RCOR1: variants seen among roughly 807,000 people sequenced by gnomAD.
RCOR1 encodes REST corepressor.
A neutral mutation model predicts 64.0 loss-of-function variants in RCOR1; 12 were observed. The ratio of observed to expected loss-of-function variants is 0.19; its 90% confidence interval spans 0.12 to 0.30. RCOR1 has a LOEUF of 0.30. Ranked by LOEUF, RCOR1 falls within the 10% of genes least tolerant of loss-of-function variation. RCOR1 has a pLI of 1.00. For synonymous variants in RCOR1, 279 were observed against 227.2 expected, an observed-to-expected ratio of 1.23 and a Z score of -2.05; for missense variants, 502 against 621.2, an observed-to-expected ratio of 0.81 and a Z score of 2.04.
intron 5 of RCOR1, among the ~76,000 whole-genome samples, chr14:102,707,861 T>A (rs563257670): frequency 1.3e-3 from 200 of 151,884 alleles, no homozygotes; most frequent in African/African-American, 4.6e-3. Flanking sequence ...TGATCTTGGC[T>A]CACTGCAACC....
rs1163287849 is a variant in RCOR1 at position 102,708,603 on chromosome 14, G to A, written c.779+20G>A. The A allele has an allele frequency of 3.6e-6, 5 of 1,376,974 alleles. No homozygotes were observed. In the African/African-American group the frequency reaches 7.2e-5, roughly 20 times the overall value. The allele number at this position is 1,376,974 out of a possible 1,614,324, so 85.3% of individuals were successfully genotyped here. On this transcript the variant is annotated intron_variant, in intron 6 of 11. Transcript: ENST00000262241. The stretch of plus-strand genomic sequence containing the variant: ...GGAGAGGTGAGCACATGGCTGGGGT[G>A]TTGTCTAACCACTTAGGGGACTATC...
Position 102,714,444 on chromosome 14 carries a change from C to G in RCOR1, c.880C>G (p.Pro294Ala). 2 of 1,609,906 alleles carry G rather than the reference C, an allele frequency of 1.2e-6. No individual in the cohort carries two copies. The highest frequency in any genetic ancestry group is 1.7e-6 in the Non-Finnish European group (2 of 1,177,640). ...KKEVPPTETVPQVKKEKHSTQ... is the reference protein window; with the variant it reads ...KKEVPPTETVAQVKKEKHSTQ... ...GCAGGTTCCCCCTACTGAGACAGTTCCTCAGGTCAAAAAAGAAAAACATAG... is the reference window on the plus strand; with the variant it reads ...GCAGGTTCCCCCTACTGAGACAGTTGCTCAGGTCAAAAAAGAAAAACATAG... The change falls in exon 8 of 12, where the codon CCT (proline) becomes GCT (alanine). Residue 294 changes from proline to alanine, a missense_variant. By Grantham distance (27) the Pro-to-Ala change is conservative. Transcript: ENST00000262241.
intron 2 of RCOR1, among the ~76,000 whole-genome samples, chr14:102,638,165 C>T (rs994341671): frequency 6.6e-6 from 1 of 152,194 alleles, no homozygotes; most frequent in Non-Finnish European, 1.5e-5. Context: ...GGATAGCACA[C>T]ATAAAATAGT....
At chr14:102,721,117 T>C (rs1435704821) in intron 9 of RCOR1, 33 bp downstream of exon 9, 5 of 1,331,552 alleles carry the variant, frequency 3.8e-6, no homozygotes, top group Non-Finnish European at 5.3e-6. Flanking sequence ...TTAGAAGTCA[T>C]ATTCAAGTTT....
At chr14:102,693,487 G>A (rs1248858339) in intron 3 of RCOR1, among the ~76,000 whole-genome samples, 2 of 152,112 alleles carry the variant, frequency 1.3e-5, no homozygotes, top group Non-Finnish European at 1.5e-5. Context: ...CTTATGGAAG[G>A]CTACTCTATT....
chr14:102,692,859 A>G (rs1895566790), intron 3 of RCOR1, among the ~76,000 whole-genome samples: 2 of 146,410 alleles, frequency 1.4e-5, no homozygotes, highest in African/African-American at 5.1e-5. Context: ...TCCGCCTCCC[A>G]GGTTCAAGCA....
chr14:102,595,527 C>T (rs569537974), intron 2 of RCOR1, among the ~76,000 whole-genome samples: 1 of 151,836 alleles, frequency 6.6e-6, no homozygotes, highest in East Asian at 1.9e-4. Context: ...AACTGTTTTG[C>T]TGCATAGTCT....
chr14:102,697,589 G>T (rs1365640475), intron 3 of RCOR1, among the ~76,000 whole-genome samples: 1 of 152,154 alleles, frequency 6.6e-6, no homozygotes, highest in African/African-American at 2.4e-5. Context: ...AGGGCTCCTG[G>T]TACATTAACT....
rs1290121814 is a variant in RCOR1, at chr14:102,653,956, TTTCTTTCTTTCTTTCTTTCTTTCTTTC to T, written c.362-27936_362-27910del. 3.5e-3 allele frequency among the ~76,000 whole-genome samples: 184 copies of T among 52,106 alleles called. 6 individuals carry two copies. The highest frequency in any genetic ancestry group is 6.0e-3 in the African/African-American group (38 of 6,380). 34.2% of individuals were successfully genotyped at this position (52,106 alleles called of 152,430 possible). A position where few individuals can be genotyped will look rare whatever the true frequency, so the allele number is the denominator to read the frequency against. Reference sequence around the variant, plus strand: ...CTTTCTTTCTTTCTTTCTTTCTTTCTTTCTTTCTTTCTTTCTTTCTTTCTTTCTTTTTTTTTTTTTTTTTTTTGAGAC... The same window carrying T: ...CTTTCTTTCTTTCTTTCTTTCTTTCTTTTTTTTTTTTTTTTTTTTTGAGAC... On this transcript the variant is annotated intron_variant, in intron 2 of 11. Coordinates refer to ENST00000262241, the MANE Select transcript of RCOR1 (RefSeq NM_015156.4).
chr14:102,692,753 C>CTTCCTTCCTTCCTTCTTT (rs1555466555), intron 3 of RCOR1, among the ~76,000 whole-genome samples: 2 of 133,122 alleles, frequency 1.5e-5, no homozygotes, highest in Non-Finnish European at 3.1e-5. Flanking sequence ...TCCTTCCTTC[C>CTTCCTTCCTTCCTTCTTT]TTCTTTTTCT....
At chr14:102,725,260 G>A (rs772764577) in intron 11 of RCOR1, among the ~76,000 whole-genome samples, 7 of 152,164 alleles carry the variant, frequency 4.6e-5, no homozygotes, top group Non-Finnish European at 1.0e-4. Context: ...TTAGCTGAAG[G>A]AACAATCACT....
intron 7 of RCOR1, among the ~76,000 whole-genome samples, chr14:102,712,944 ATTGT>A (rs1895990240): frequency 8.4e-6 from 1 of 118,934 alleles, no homozygotes; most frequent in African/African-American, 3.2e-5. Flanking sequence ...TGGCTAAATC[ATTGT>A]TTTTTTTTTT....
intron 2 of RCOR1, among the ~76,000 whole-genome samples, chr14:102,602,532 T>C (rs945276701): frequency 5.3e-5 from 8 of 151,890 alleles, no homozygotes; most frequent in Non-Finnish European, 8.8e-5. Flanking sequence ...GCCTCCCGTG[T>C]AGCTAGGATT....
chr14:102,600,965 G>A (rs952562070), intron 2 of RCOR1, among the ~76,000 whole-genome samples: 50 of 151,402 alleles, frequency 3.3e-4, no homozygotes, highest in African/African-American at 1.1e-3. Flanking sequence ...CGAGGCAGGC[G>A]GATCACTTGA....
rs139088940 is a variant in RCOR1 at position 102,653,427 on chromosome 14, C to T, written c.362-28468C>T. ...TAGAGACAGGGTTTTGCCACGTTGT[C>T]CAGGCTGGCCTCGGCTTCCCAAAGC... On this transcript the variant is annotated intron_variant, in intron 2 of 11. Transcript: ENST00000262241. 6.5e-3 allele frequency among the ~76,000 whole-genome samples: 985 copies of T among 152,206 alleles called. 7 individuals are homozygous for T. The highest frequency in any genetic ancestry group is 0.024 in the Middle Eastern group (7 of 294).
At chr14:102,632,095 C>G (rs1331227548) in intron 2 of RCOR1, among the ~76,000 whole-genome samples, 1 of 151,650 alleles carries the variant, frequency 6.6e-6, no homozygotes, top group African/African-American at 2.4e-5. Context: ...CAGGCGTGAG[C>G]CACCGTGCCG....
intron 11 of RCOR1, among the ~76,000 whole-genome samples, chr14:102,724,085 C>T (rs1595247922): frequency 6.6e-6 from 1 of 152,008 alleles, no homozygotes; most frequent in Non-Finnish European, 1.5e-5. Flanking sequence ...ATCCACTTAC[C>T]GTGTGGATTG....
intron 3 of RCOR1, among the ~76,000 whole-genome samples, chr14:102,691,316 T>TGG (rs761388628): frequency 3.0e-5 from 4 of 135,422 alleles, no homozygotes; most frequent in South Asian, 2.5e-4. Flanking sequence ...CTACCTAGGA[T>TGG]GGGGAGAGGT....
chr14:102,698,880 A>G (rs1421449273), intron 3 of RCOR1, among the ~76,000 whole-genome samples: 1 of 151,908 alleles, frequency 6.6e-6, no homozygotes, highest in African/African-American at 2.4e-5. Context: ...ATGTATTGTG[A>G]AGGAAAAAGC....
Sources: gnomAD v4.1 joint callset for allele counts (sites outside exome capture counted in the v4.1 genomes callset) on GRCh38, gnomAD v4.1.1 for gene constraint, MANE v1.5 for transcripts, NCBI Gene and HGNC (gene_info 2026-07-23, HGNC 2026-07-21) for gene names.